Variants in PCDH15 observed in about 807,000 individuals in gnomAD.
The protein encoded by PCDH15 is protocadherin-15.
A neutral mutation model predicts 178.5 loss-of-function variants in PCDH15; 129 were observed. The observed-to-expected ratio is 0.72, with a 90% CI of 0.63 to 0.84. The LOEUF is 0.84. PCDH15 is among the 40% of genes least tolerant of loss of function. The probability of loss-of-function intolerance (pLI) is 0.00; values close to 1 mark genes in which losing one functional copy is unlikely to be tolerated. For missense variants in PCDH15, 2,230 were observed against 2,099.9 expected (o/e 1.06, Z -1.21); for synonymous variants, 800 against 732.0 (o/e 1.09, Z -1.50).
intron 1 of PCDH15, among the ~76,000 whole-genome samples, chr10:54,682,039 A>C (rs2094910822): frequency 6.6e-6 from 1 of 152,176 alleles, no homozygotes; most frequent in Admixed American, 6.6e-5. Context: ...TTTGAAAAGT[A>C]ATAGTGTGAA....
intron 15 of PCDH15, among the ~76,000 whole-genome samples, chr10:54,119,536 A>C (rs1564464361): frequency 6.6e-6 from 1 of 152,110 alleles, no homozygotes; most frequent in African/African-American, 2.4e-5. Context: ...CATTTCTGAG[A>C]GAGAAAGAGA....
At chr10:54,537,365 CAA>C (rs2084693959) in intron 2 of PCDH15, among the ~76,000 whole-genome samples, 1 of 152,084 alleles carries the variant, frequency 6.6e-6, no homozygotes, top group Non-Finnish European at 1.5e-5. Flanking sequence ...GAGCTGGTAT[CAA>C]GTCTGAAACT....
chr10:55,285,675 C>T (rs1235530786), intron 1 of PCDH15, among the ~76,000 whole-genome samples: 2 of 151,514 alleles, frequency 1.3e-5, no homozygotes, highest in Non-Finnish European at 3.0e-5. Flanking sequence ...AAATATGAAA[C>T]GTAAGTTCTC....
intron 2 of PCDH15, among the ~76,000 whole-genome samples, chr10:54,589,814 T>C (rs527319659): frequency 6.6e-6 from 1 of 152,120 alleles, no homozygotes; most frequent in Admixed American, 6.6e-5. Context: ...ACCAGGGTGA[T>C]CTCGATCTCC....
At chr10:54,909,888 G>T (rs561076964) in intron 2 of PCDH15, among the ~76,000 whole-genome samples, 4 of 152,048 alleles carry the variant, frequency 2.6e-5, no homozygotes, top group Non-Finnish European at 4.4e-5. Context: ...GGCCCCTCAC[G>T]ATGGCTCCCA....
At chr10:55,405,961 T>C (rs1838188131) in intron 2 of PCDH15, among the ~76,000 whole-genome samples, 1 of 151,670 alleles carries the variant, frequency 6.6e-6, no homozygotes, top group Non-Finnish European at 1.5e-5. Context: ...TTAAATCAAG[T>C]AATCAGAGTC....
rs1005466395 is a variant in PCDH15, at chr10:54,354,028, C to A, written c.475-7544G>T. On this transcript the variant is annotated intron_variant, in intron 5 of 37. Transcript: ENST00000644397. ...GATGACGAGTTTCGCTCTTGTTGGCCAGGCTGGAGTGCAATGGCACAATCT... is the reference window on the plus strand; with the variant it reads ...GATGACGAGTTTCGCTCTTGTTGGCAAGGCTGGAGTGCAATGGCACAATCT... Among the ~76,000 whole-genome samples the A allele has an allele frequency of 2.6e-5, 4 of 152,140 alleles. No individual in the cohort carries two copies. The South Asian group carries it at 8.3e-4, about 32-fold the overall frequency.
intron 2 of PCDH15, among the ~76,000 whole-genome samples, chr10:54,574,136 T>A (rs1365406314): frequency 1.3e-5 from 2 of 151,604 alleles, no homozygotes; most frequent in Non-Finnish European, 2.9e-5. Flanking sequence ...CTAGGTTTTC[T>A]TCTAGGGTTT....
chr10:54,185,726 TG>T (rs2048423440), intron 11 of PCDH15, among the ~76,000 whole-genome samples: 1 of 152,056 alleles, frequency 6.6e-6, no homozygotes, highest in African/African-American at 2.4e-5. Flanking sequence ...ATTACTATCT[TG>T]TTCTTACTTA....
intron 1 of PCDH15, among the ~76,000 whole-genome samples, chr10:55,238,098 A>T (rs1371926554): frequency 6.6e-6 from 1 of 151,926 alleles, no homozygotes; most frequent in African/African-American, 2.4e-5. Flanking sequence ...GATTTAACTT[A>T]AAAATAAGCT....
rs564357537 is a variant in PCDH15 at position 53,851,258 on chromosome 10, TTATC to T, written c.3806+5913_3806+5916del. ...AAAATTTTCTACTTGATACTTGTAT[TTATC>T]TGTCTTTATTACAGTTATCACTACA... On this transcript the variant is annotated intron_variant, in intron 28 of 37. Transcript: ENST00000644397. 7.1e-3 allele frequency among the ~76,000 whole-genome samples: 1,085 copies of T among 152,226 alleles called. 8 individuals carry two copies. The highest frequency in any genetic ancestry group is 0.025 in the African/African-American group (1,025 of 41,564).
intron 1 of PCDH15, among the ~76,000 whole-genome samples, chr10:55,267,114 C>T (rs570238463): frequency 6.6e-6 from 1 of 150,904 alleles, no homozygotes; most frequent in Non-Finnish European, 1.5e-5. Context: ...TAAAGGAAGG[C>T]AGGGAGGGGG....
At chr10:54,905,757 G>C (rs1006571184) in intron 2 of PCDH15, among the ~76,000 whole-genome samples, 8 of 152,060 alleles carry the variant, frequency 5.3e-5, no homozygotes, top group Admixed American at 4.6e-4. Flanking sequence ...AACAGGGGTT[G>C]AGATCTCTGA....
intron 1 of PCDH15, among the ~76,000 whole-genome samples, chr10:55,176,680 G>A (rs975192931): frequency 6.6e-6 from 1 of 150,944 alleles, no homozygotes; most frequent in African/African-American, 2.4e-5. Context: ...CATTAATGAC[G>A]TTGTGGTTCT....
At chr10:54,324,416 C>T (rs904522676) in intron 7 of PCDH15, among the ~76,000 whole-genome samples, 2 of 152,184 alleles carry the variant, frequency 1.3e-5, no homozygotes, top group African/African-American at 4.8e-5. Flanking sequence ...ATACAACACC[C>T]TTGCTATTCA....
intron 2 of PCDH15, among the ~76,000 whole-genome samples, chr10:55,421,970 G>A (rs1001657344): frequency 5.9e-5 from 9 of 151,682 alleles, no homozygotes; most frequent in Middle Eastern, 3.4e-3. Context: ...TGCCTTTATC[G>A]AGATATGATT....
chr10:54,810,854 G>A (rs1158110306), intron 3 of PCDH15, among the ~76,000 whole-genome samples: 1 of 152,026 alleles, frequency 6.6e-6, no homozygotes, highest in Non-Finnish European at 1.5e-5. Context: ...TGAGAAAATA[G>A]GTTTGATTAA....
chr10:55,200,138 C>T (rs561471855), intron 1 of PCDH15, among the ~76,000 whole-genome samples: 13 of 152,208 alleles, frequency 8.5e-5, no homozygotes, highest in African/African-American at 2.4e-4. Flanking sequence ...TTGCACTGTA[C>T]ACTTTGAAAA....
intron 11 of PCDH15, among the ~76,000 whole-genome samples, chr10:54,193,922 T>C (rs1223884400): frequency 6.6e-6 from 1 of 151,972 alleles, no homozygotes; most frequent in Non-Finnish European, 1.5e-5. Flanking sequence ...ATTGCATCTA[T>C]CATGTTTGTT....
Sources: allele counts gnomAD v4.1 joint callset (sites outside exome capture counted in the v4.1 genomes callset), GRCh38; gene constraint gnomAD v4.1.1; transcripts MANE v1.5; gene names NCBI Gene and HGNC (gene_info 2026-07-23, HGNC 2026-07-21).